The following CNNM2 variants were observed in gnomAD, a reference collection of about 807,000 sequenced individuals.
The protein encoded by CNNM2 is cyclin and CBS domain divalent metal cation transport mediator 2.
A neutral mutation model predicts 66.9 loss-of-function variants in CNNM2; 12 were observed. The ratio of observed to expected loss-of-function variants is 0.18; its 90% confidence interval spans 0.11 to 0.29. The LOEUF (loss-of-function observed/expected upper bound fraction) is 0.29. Among genes scored for constraint, CNNM2 ranks in the 10% least tolerant of loss-of-function variants. The pLI is 1.00. For missense variants in CNNM2, 705 were observed against 1,167.7 expected, an observed-to-expected ratio of 0.60 and a Z score of 5.77; for synonymous variants, 557 against 501.8, an observed-to-expected ratio of 1.11 and a Z score of -1.47.
chr10:103,054,981 T>C lies in CNNM2; in HGVS notation c.1903+515T>C, dbSNP rs2065273405. Among the ~76,000 whole-genome samples the C allele has an allele frequency of 1.3e-5, 2 of 152,240 alleles. No individual in the cohort carries two copies. The highest frequency in any genetic ancestry group is 4.1e-4 in the South Asian group (2 of 4,834). On this transcript the variant is annotated intron_variant, in intron 3 of 7. Coordinates refer to ENST00000369878, the MANE Select transcript of CNNM2 (RefSeq NM_017649.5). The surrounding 1 kb of genome is among the most constrained non-coding windows in gnomAD (Gnocchi z 5.2). Reference sequence around the variant, plus strand: ...TTCACAATTAAATCTTTATCTTTTATGATTTTAATGAAATCAAATTCTAAG... The same window carrying C: ...TTCACAATTAAATCTTTATCTTTTACGATTTTAATGAAATCAAATTCTAAG...
intron 2 of CNNM2, among the ~76,000 whole-genome samples, chr10:103,052,291 C>CAAAAA (rs796393539): frequency 1.5e-5 from 2 of 131,194 alleles, no homozygotes; most frequent in African/African-American, 5.5e-5. Context: ...AAAAAAAAAA[C>CAAAAA]AAAAAAAAAA....
intron 2 of CNNM2, among the ~76,000 whole-genome samples, chr10:103,052,612 C>T (rs1370375328): frequency 6.6e-6 from 1 of 151,574 alleles, no homozygotes; most frequent in East Asian, 2.0e-4. Context: ...CTCCTGGGTT[C>T]AAGGGAGTCT....
chr10:103,071,952 C>A, intron 6 of CNNM2, 113 bp downstream of exon 6: 1 of 912,862 alleles, frequency 1.1e-6, no homozygotes, highest in Non-Finnish European at 1.8e-6. Flanking sequence ...TTCAGTGTTC[C>A]TTGGAGCGCT....
At chr10:102,927,273 T>C (rs1845902681) in intron 1 of CNNM2, 1 of 1,600,054 alleles carries the variant, frequency 6.2e-7, no homozygotes, top group Non-Finnish European at 8.5e-7. Context: ...CTCAAACATG[T>C]GGAAGTGGAT....
rs372472366 is a variant in CNNM2, at chr10:102,933,466, G to T, written c.1621+13365G>T. On this transcript the variant is annotated intron_variant, in intron 1 of 7. Transcript: ENST00000369878. ...GATATACAAGTGATTTTTGTATGTT[G>T]ATCTTCTATCCTGCAACCTTGCAGA... Among the ~76,000 whole-genome samples the T allele has an allele frequency of 3.9e-5, 6 of 152,162 alleles. No individual in the cohort carries two copies. In the East Asian group the frequency reaches 1.2e-3, roughly 29 times the overall value.
chr10:102,931,699 T>A (rs1335455810), intron 1 of CNNM2, among the ~76,000 whole-genome samples: 1 of 152,144 alleles, frequency 6.6e-6, no homozygotes, highest in Admixed American at 6.5e-5. Context: ...TACACGGGAA[T>A]AGAATTGCTG....
intron 5 of CNNM2, among the ~76,000 whole-genome samples, chr10:103,070,059 C>T (rs1033590352): frequency 1.3e-5 from 2 of 152,172 alleles, no homozygotes; most frequent in East Asian, 3.8e-4. Context: ...TCCTCTGCCC[C>T]AAATGCCCCT....
At chr10:102,937,527 G>A (rs771962173) in intron 1 of CNNM2, among the ~76,000 whole-genome samples, 1 of 152,122 alleles carries the variant, frequency 6.6e-6, no homozygotes, top group Non-Finnish European at 1.5e-5. Flanking sequence ...TGTAAATCTA[G>A]TCTTGATTAT....
intron 1 of CNNM2, among the ~76,000 whole-genome samples, chr10:103,013,279 T>G (rs901994304): frequency 6.6e-6 from 1 of 152,186 alleles, no homozygotes; most frequent in Non-Finnish European, 1.5e-5. Flanking sequence ...GTTTTGTGAT[T>G]TATAAAATGG....
intron 1 of CNNM2, among the ~76,000 whole-genome samples, chr10:102,999,319 T>TA (rs1185075149): frequency 6.6e-6 from 1 of 150,828 alleles, no homozygotes; most frequent in Non-Finnish European, 1.5e-5. Flanking sequence ...CCTGACCTTG[T>TA]GATCTGCCCG....
chr10:102,928,713 A>G (rs1364054630), intron 1 of CNNM2, among the ~76,000 whole-genome samples: 1 of 152,146 alleles, frequency 6.6e-6, no homozygotes, highest in Non-Finnish European at 1.5e-5. Flanking sequence ...TGGAAGGTGA[A>G]AAGGGCCTAA....
At chr10:103,035,525 G>T (rs770237423) in intron 1 of CNNM2, among the ~76,000 whole-genome samples, 4 of 152,182 alleles carry the variant, frequency 2.6e-5, no homozygotes, top group Non-Finnish European at 5.9e-5. Context: ...TAAATACTCA[G>T]AGAGAGAAAT....
rs10624810 is a variant in CNNM2, at chr10:102,925,296, C to CAAAAAAAAAA, written c.1621+5216_1621+5225dup. On this transcript the variant is annotated intron_variant, in intron 1 of 7. Transcript: ENST00000369878. ...GGGCAACAAGAGCGAAACTCCATCT[C>CAAAAAAAAAA]AAAAAAAAAAAAAAAAAAAAAAAAA... 1.4e-3 allele frequency among the ~76,000 whole-genome samples: 24 copies of CAAAAAAAAAA among 17,758 alleles called. 5 individuals are homozygous for CAAAAAAAAAA. The East Asian group carries it at 0.016, about 12-fold the overall frequency. The allele number at this position is 17,758 out of a possible 152,430, so 11.6% of individuals were successfully genotyped here.
chr10:102,935,321 G>T (rs1846199980), intron 1 of CNNM2, among the ~76,000 whole-genome samples: 1 of 151,834 alleles, frequency 6.6e-6, no homozygotes, highest in Non-Finnish European at 1.5e-5. Flanking sequence ...AAGAAAATGG[G>T]TGTGGTGGTG....
chr10:102,927,620 C>A, intron 1 of CNNM2: 1 of 595,342 alleles, frequency 1.7e-6, no homozygotes, highest in Non-Finnish European at 2.7e-6. Context: ...GAAAAATTAG[C>A]TGTGCGTGGT....
At chr10:103,015,272 G>A (rs2064421625) in intron 1 of CNNM2, among the ~76,000 whole-genome samples, 2 of 152,044 alleles carry the variant, frequency 1.3e-5, no homozygotes, top group South Asian at 4.1e-4. Context: ...CTTATTTATT[G>A]GGCTAAGCTC....
Position 102,990,483 on chromosome 10 carries a change from T to C in CNNM2, c.1622-59224T>C, listed in dbSNP as rs139141580. ...AGAGCAAGATGGCTTTAGTAAGTGG[T>C]ATAGATGAATAGAATCAGAAAAATA... On this transcript the variant is annotated intron_variant, in intron 1 of 7. Coordinates refer to ENST00000369878, the MANE Select transcript of CNNM2 (RefSeq NM_017649.5). 7.9e-5 allele frequency among the ~76,000 whole-genome samples: 12 copies of C among 152,274 alleles called. No homozygotes were observed. The East Asian group carries it at 2.3e-3, about 29-fold the overall frequency.
intron 1 of CNNM2, among the ~76,000 whole-genome samples, chr10:102,981,731 A>C (rs570636788): frequency 6.6e-6 from 1 of 151,896 alleles, no homozygotes; most frequent in African/African-American, 2.4e-5. Context: ...TGTATCAGTT[A>C]TCTATTGCCA....
intron 4 of CNNM2, among the ~76,000 whole-genome samples, chr10:103,066,018 C>G (rs1332027210): frequency 6.6e-6 from 1 of 152,198 alleles, no homozygotes; most frequent in Admixed American, 6.5e-5. Context: ...ACTGTCCTCC[C>G]ACTGATTCCT....
Sources: gnomAD v4.1 joint callset for allele counts (sites outside exome capture counted in the v4.1 genomes callset) on GRCh38, gnomAD v4.1.1 for gene constraint, Gnocchi (gnomAD v3.1) non-coding constraint, MANE v1.5 for transcripts, NCBI Gene and HGNC (gene_info 2026-07-23, HGNC 2026-07-21) for gene names.